The following NACC2 variants were observed in gnomAD, a reference collection of about 807,000 sequenced individuals.
The protein encoded by NACC2 is NACC family member 2, also known as nucleus accumbens-associated protein 2.
In NACC2, 8 loss-of-function variants were observed where a neutral mutation model predicts 25.1. The ratio of observed to expected loss-of-function variants is 0.32; its 90% CI spans 0.19 to 0.57. The LOEUF is 0.57. Among genes scored for constraint, NACC2 ranks in the 20% least tolerant of loss-of-function variants. The pLI, the probability that NACC2 is intolerant of heterozygous loss-of-function variation, is 0.89. For synonymous variants in NACC2, 435 were observed against 294.7 expected (o/e 1.48, Z -4.88); for missense variants, 644 against 650.2 (o/e 0.99, Z 0.10).
At chr9:136,042,867 GACAA>G (rs1178362617) in intron 2 of NACC2, among the ~76,000 whole-genome samples, 9 of 122,012 alleles carry the variant, frequency 7.4e-5, no homozygotes, top group African/African-American at 2.5e-4. Flanking sequence ...GAGACACAGA[GACAA>G]ACAGACACAC....
At chr9:136,067,555 G>A (rs1841100156) in intron 1 of NACC2, among the ~76,000 whole-genome samples, 1 of 152,016 alleles carries the variant, frequency 6.6e-6, no homozygotes. Context: ...GATGCTCGAT[G>A]GGCCGGGCGC....
At chr9:136,069,036 A>G (rs943872800) in intron 1 of NACC2, among the ~76,000 whole-genome samples, 1 of 151,126 alleles carries the variant, frequency 6.6e-6, no homozygotes, top group African/African-American at 2.5e-5. Flanking sequence ...CCTCCCAAGT[A>G]GCCAGGATTA....
At chr9:136,079,194 T>C (rs1441751004) in intron 1 of NACC2, among the ~76,000 whole-genome samples, 1 of 152,182 alleles carries the variant, frequency 6.6e-6, no homozygotes, top group Admixed American at 6.5e-5. Flanking sequence ...CTGAAGAGGC[T>C]GCAAGGTGCA....
chr9:136,011,827 G>T lies in NACC2; in HGVS notation c.1453C>A (p.Pro485Thr). ...TGCTCGAACACCTGTGCCGCGGCAG[G>T]CGGGAACTCGGGGTCGAGGGGCACG... ...ASVPLDPEFP[P>T]AAAQVFEQRI... is the part of the protein sequence containing the mutation. Residue 485 changes from proline to threonine, a missense_variant, in exon 6 of 6, where the codon CCT becomes ACT. Transcript: ENST00000277554. 1.3e-6 allele frequency: 2 copies of T among 1,567,004 alleles called. No individual in the cohort carries two copies. The highest frequency in any genetic ancestry group is 1.7e-6 in the Non-Finnish European group (2 of 1,159,062).
At chr9:136,028,705 G>C (rs181160695) in intron 2 of NACC2, among the ~76,000 whole-genome samples, 25 of 152,366 alleles carry the variant, frequency 1.6e-4, no homozygotes, top group African/African-American at 6.0e-4. Flanking sequence ...TTGCCCAGCT[G>C]TGGCTGCAGA....
intron 1 of NACC2, among the ~76,000 whole-genome samples, chr9:136,079,101 G>A (rs1270989127): frequency 6.6e-6 from 1 of 150,674 alleles, no homozygotes; most frequent in Non-Finnish European, 1.5e-5. Flanking sequence ...TTTAGGGCAC[G>A]TAACCTGAAA....
chr9:136,080,433 G>A (rs895277181), intron 1 of NACC2, among the ~76,000 whole-genome samples: 3 of 152,196 alleles, frequency 2.0e-5, no homozygotes, highest in South Asian at 2.1e-4. Flanking sequence ...TTAGCTGGGC[G>A]TGGTGGCGCA....
rs186047087 is a variant in NACC2, at chr9:136,067,040, C to T, written c.-59-16460G>A. ...TCAAGGCAGGCGGATCACCTGAGGT[C>T]GGGAGTTCGAGACCAGCCTCGGCAA... On this transcript the variant is annotated intron_variant, in intron 1 of 5. Coordinates refer to ENST00000277554, the MANE Select transcript of NACC2 (RefSeq NM_144653.5). Among the ~76,000 whole-genome samples the T allele has an allele frequency of 9.9e-4, 150 of 151,456 alleles. 1 individual carries two copies. Among genetic ancestry groups the T allele is most frequent in the African/African-American group, 3.1e-3 (130 of 41,368 alleles).
At chr9:136,015,144 C>G (rs139987717) in intron 3 of NACC2, among the ~76,000 whole-genome samples, 1 of 152,190 alleles carries the variant, frequency 6.6e-6, no homozygotes, top group Admixed American at 6.5e-5. Context: ...AACTGAAGCA[C>G]GTCTCCAATC....
In NACC2 at chr9:136,069,673, G is replaced by C. The variant is rs143380205; in HGVS notation, c.-59-19093C>G. Reference sequence around the variant, plus strand: ...TTATGCAAACATAAAAGAAAGCAAGGGTTGTTTTACTTCAAATAAAGCATA... The same window carrying C: ...TTATGCAAACATAAAAGAAAGCAAGCGTTGTTTTACTTCAAATAAAGCATA... On this transcript the variant is annotated intron_variant, in intron 1 of 5. Transcript: ENST00000277554. 1.6e-4 allele frequency among the ~76,000 whole-genome samples: 24 copies of C among 151,884 alleles called. 1 individual carries two copies. In the East Asian group the frequency reaches 3.9e-3, roughly 24 times the overall value.
intron 1 of NACC2, among the ~76,000 whole-genome samples, chr9:136,068,491 C>T (rs1222057803): frequency 7.6e-6 from 1 of 131,554 alleles, no homozygotes; most frequent in Admixed American, 7.9e-5. Flanking sequence ...AAGAGTGAAA[C>T]TCCGTCTCAA....
intron 1 of NACC2, among the ~76,000 whole-genome samples, chr9:136,081,016 G>A (rs72773719): frequency 0.046 from 7,007 of 152,278 alleles, 192 homozygotes; most frequent in Non-Finnish European, 0.061. Context: ...CAGAGGTGAT[G>A]GAGGAGGAAG....
chr9:136,006,880 C>A lies in NACC2; in HGVS notation c.*4636G>T, dbSNP rs962189518. ...AATCTAACTCAGTGGTACTGTGAAA[C>A]CTTCCTTTACAGCACAGGAAAATTT... On this transcript the variant is annotated 3_prime_UTR_variant, in exon 6 of 6. Transcript: ENST00000277554. 2 of 151,992 alleles carry A rather than the reference C, an allele frequency of 1.3e-5. No individual in the cohort carries two copies. The highest frequency in any genetic ancestry group is 1.5e-5 in the Non-Finnish European group (1 of 68,156). The allele number at this position is 151,992 out of a possible 1,614,324, so 9.4% of individuals were successfully genotyped here.
At position 136,084,747 on chromosome 9, in the gene NACC2, C is replaced by T. The variant is rs1039603508; in HGVS notation, c.-60+10442G>A. 2.6e-4 allele frequency among the ~76,000 whole-genome samples: 39 copies of T among 152,230 alleles called. No homozygotes were observed. Among genetic ancestry groups the T allele is most frequent in the African/African-American group, 9.2e-4 (38 of 41,454 alleles). On this transcript the variant is annotated intron_variant, in intron 1 of 5. Coordinates refer to ENST00000277554, the MANE Select transcript of NACC2 (RefSeq NM_144653.5). This position sits in a 1 kb window ranked among gnomAD's most constrained non-coding sequence, Gnocchi z 5.1. ...CGGGCGCACACACACACATACATCA[C>T]GCAGCCTGGAGAAGGGACGGGCTCC...
In NACC2 at chr9:136,011,669, C is replaced by G. The variant is rs576517890; in HGVS notation, c.1611G>C (p.Ser537=). The change falls in exon 6 of 6, where the codon TCG becomes TCC. Residue 537 remains serine (S), a synonymous_variant. Coordinates refer to ENST00000277554, the MANE Select transcript of NACC2 (RefSeq NM_144653.5). ...DAGEEVDGAG[S]VIQEVAAPEP... ...CGGGGGCGGCCACCTCCTGGATGAC[C>G]GAGCCAGCCCCGTCCACCTCCTCGC... 7.0e-7 allele frequency: 1 copy of G among 1,421,006 alleles called. No homozygotes were observed. Among genetic ancestry groups the G allele is most frequent in the Non-Finnish European group, 9.2e-7 (1 of 1,091,852 alleles). The allele number at this position is 1,421,006 out of a possible 1,614,324, so 88.0% of individuals were successfully genotyped here. A position where few individuals can be genotyped will look rare whatever the true frequency, so the allele number is the denominator to read the frequency against.
intron 1 of NACC2, among the ~76,000 whole-genome samples, chr9:136,074,314 A>G (rs80055556): frequency 6.8e-6 from 1 of 147,154 alleles, no homozygotes; most frequent in East Asian, 2.1e-4. Context: ...TTAGCCGGGC[A>G]TGGTGGTGGG....
chr9:136,069,832 C>T (rs1264975614), intron 1 of NACC2, among the ~76,000 whole-genome samples: 1 of 151,770 alleles, frequency 6.6e-6, no homozygotes, highest in Non-Finnish European at 1.5e-5. Flanking sequence ...GAAGCACAAA[C>T]CAATAGAACT....
At chr9:136,033,175 CAAAAATAAAA>C (rs1840498147) in intron 2 of NACC2, among the ~76,000 whole-genome samples, 1 of 148,944 alleles carries the variant, frequency 6.7e-6, no homozygotes, top group Non-Finnish European at 1.5e-5. Context: ...GACCCTGTCT[CAAAAATAAAA>C]TAAAATAAAA....
chr9:136,024,155 AGTGTGT>A (rs71507095), intron 2 of NACC2, among the ~76,000 whole-genome samples: 57,779 of 123,300 alleles, frequency 0.47, 13,931 homozygotes, highest in African/African-American at 0.58. Context: ...GTGGGGACAG[AGTGTGT>A]GTGTGTGTGT....
Sources: gnomAD v4.1 joint callset for allele counts (sites outside exome capture counted in the v4.1 genomes callset) on GRCh38, gnomAD v4.1.1 for gene constraint, Gnocchi (gnomAD v3.1) non-coding constraint, MANE v1.5 for transcripts, NCBI Gene and HGNC (gene_info 2026-07-23, HGNC 2026-07-21) for gene names.